Variants in CLTCL1 observed in about 807,000 individuals in gnomAD.
CLTCL1 encodes the protein clathrin heavy chain 2.
CLTCL1 carries 159 observed loss-of-function variants against 190.0 expected under a neutral mutation model. That is an observed-to-expected ratio of 0.84 (90% confidence interval 0.74 to 0.95). CLTCL1 has a LOEUF of 0.95. Among genes scored for constraint, CLTCL1 ranks in the 40% least tolerant of loss-of-function variants. CLTCL1 has a pLI of 0.00. For missense variants in CLTCL1, 1,878 were observed against 2,033.4 expected, an observed-to-expected ratio of 0.92 and a Z score of 1.47; for synonymous variants, 752 against 769.6, an observed-to-expected ratio of 0.98 and a Z score of 0.38.
At chr22:19,253,859 C>T in intron 3 of CLTCL1, 100 bp downstream of exon 3, 1 of 1,409,684 alleles carries the variant, frequency 7.1e-7, no homozygotes, top group South Asian at 1.4e-5. Flanking sequence ...AGCCACCGCA[C>T]CTGGCCCTAT....
At chr22:19,245,358 T>G (rs1313923049) in intron 3 of CLTCL1, among the ~76,000 whole-genome samples, 1 of 151,956 alleles carries the variant, frequency 6.6e-6, no homozygotes, top group Non-Finnish European at 1.5e-5. Flanking sequence ...CATGCCTGGC[T>G]AATTTTTGTC....
chr22:19,209,565 G>C lies in CLTCL1; in HGVS notation c.3250-451C>G, dbSNP rs140529713. Among the ~76,000 whole-genome samples the C allele has an allele frequency of 3.1e-4, 47 of 152,362 alleles. No homozygotes were observed. The East Asian group carries it at 8.9e-3, about 29-fold the overall frequency. On this transcript the variant is annotated intron_variant, in intron 20 of 32. Coordinates refer to ENST00000427926, the MANE Select transcript of CLTCL1 (RefSeq NM_007098.4). ...GAGGGCCACCCACTGTATAGTAGTG[G>C]AGGTGGTGGCAGTATCAGCTGCCCC...
chr22:19,246,771 T>C (rs534231543), intron 3 of CLTCL1, among the ~76,000 whole-genome samples: 1 of 152,344 alleles, frequency 6.6e-6, no homozygotes, highest in Non-Finnish European at 1.5e-5. Context: ...TGTAAAGTGG[T>C]ACTTCATTGT....
intron 3 of CLTCL1, among the ~76,000 whole-genome samples, chr22:19,250,831 G>C (rs2086571207): frequency 6.6e-6 from 1 of 152,184 alleles, no homozygotes; most frequent in Non-Finnish European, 1.5e-5. Flanking sequence ...TGGGATTACA[G>C]GCATGAGTCA....
Position 19,291,593 on chromosome 22 carries a change from G to A in CLTCL1, c.42+7C>T, listed in dbSNP as rs1014153180. ...ACAGGGCAGCCCCCCAGCCCGCCGGGCCTCACCTGGAAGTGCTCCTGAAAG... is the reference window on the plus strand; with the variant it reads ...ACAGGGCAGCCCCCCAGCCCGCCGGACCTCACCTGGAAGTGCTCCTGAAAG... On this transcript the variant is annotated splice_region_variant and intron_variant, in intron 1 of 32. Transcript: ENST00000427926. 2.2e-6 allele frequency: 3 copies of A among 1,388,630 alleles called. No individual in the cohort carries two copies. The highest frequency in any genetic ancestry group is 1.9e-6 in the Non-Finnish European group (2 of 1,057,546). The allele number at this position is 1,388,630 out of a possible 1,614,324, so 86.0% of individuals were successfully genotyped here.
chr22:19,267,341 T>C (rs1195371965), intron 2 of CLTCL1, among the ~76,000 whole-genome samples: 4 of 152,126 alleles, frequency 2.6e-5, no homozygotes, highest in African/African-American at 4.8e-5. Flanking sequence ...AACAGAGACA[T>C]TAAATGACTA....
At chr22:19,209,292 A>G in intron 20 of CLTCL1, 178 bp from the exon 21 acceptor site, 1 of 525,612 alleles carries the variant, frequency 1.9e-6, no homozygotes, top group Non-Finnish European at 3.3e-6. Flanking sequence ...GACAAGAGCT[A>G]TTATATGAGA....
intron 2 of CLTCL1, among the ~76,000 whole-genome samples, chr22:19,264,100 C>T (rs10222240): frequency 6.6e-6 from 1 of 152,050 alleles, no homozygotes; most frequent in Non-Finnish European, 1.5e-5. Context: ...TTTAAGACAG[C>T]CTGGGCAACA....
At chr22:19,193,786 G>T (rs782262487) in intron 26 of CLTCL1, among the ~76,000 whole-genome samples, 17 of 152,216 alleles carry the variant, frequency 1.1e-4, no homozygotes, top group Admixed American at 5.2e-4. Flanking sequence ...GTTGAGAGGT[G>T]TGAGTTTCTT....
chr22:19,225,754 T>C (rs191849741), intron 12 of CLTCL1, 121 bp from the exon 13 acceptor site: 1 of 957,082 alleles, frequency 1.0e-6, no homozygotes. Flanking sequence ...AATTTCCACA[T>C]AAAGGGGTTG....
Position 19,229,061 on chromosome 22 carries a change from G to C in CLTCL1, c.1782+777C>G, listed in dbSNP as rs1211299766. 3.3e-5 allele frequency among the ~76,000 whole-genome samples: 5 copies of C among 152,274 alleles called. No homozygotes were observed. In the East Asian group the frequency reaches 9.7e-4, roughly 29 times the overall value. ...AAAGGTAAACATAGAATTACTGTAG[G>C]ACATGATCCAGCAAGTCCACTTCTG... On this transcript the variant is annotated intron_variant, in intron 11 of 32. Transcript: ENST00000427926.
chr22:19,219,965 G>A lies in CLTCL1; in HGVS notation c.2839C>T (p.Leu947=), dbSNP rs2145748129. ...NSLFKSEARY[L]VCRKDPELWA... ...AGCTCCGGATCCTTTCTGCATACCAGGTAGCGGGCCTCGCTTTTGAACAGA... is the reference window on the plus strand; with the variant it reads ...AGCTCCGGATCCTTTCTGCATACCAAGTAGCGGGCCTCGCTTTTGAACAGA... Residue 947 remains leucine, a synonymous_variant, in exon 18 of 33, where the codon CTG becomes TTG. Coordinates refer to ENST00000427926, the MANE Select transcript of CLTCL1 (RefSeq NM_007098.4). The A allele has an allele frequency of 6.2e-7, 1 of 1,614,024 alleles. No homozygotes were observed. Among genetic ancestry groups the A allele is most frequent in the Non-Finnish European group, 8.5e-7 (1 of 1,179,898 alleles).
At chr22:19,227,285 T>C (rs1255187944) in intron 11 of CLTCL1, among the ~76,000 whole-genome samples, 1 of 149,806 alleles carries the variant, frequency 6.7e-6, no homozygotes, top group Non-Finnish European at 1.5e-5. Context: ...ATCTTTTTTT[T>C]TTTTTTTTTT....
intron 2 of CLTCL1, among the ~76,000 whole-genome samples, chr22:19,264,121 CTG>C (rs1163866899): frequency 6.6e-6 from 1 of 152,032 alleles, no homozygotes; most frequent in Non-Finnish European, 1.5e-5. Context: ...TGGCAAGACC[CTG>C]TCTCTACAAA....
Position 19,194,339 on chromosome 22 carries a change from G to A in CLTCL1, c.4191+1927C>T, listed in dbSNP as rs112457835. ...TCTATTAAAAATACAAAAATGAGCC[G>A]GGCGTGGTGGCAGGCACCTGTAATC... is the stretch of plus-strand genomic sequence containing the variant. On this transcript the variant is annotated intron_variant, in intron 26 of 32. Coordinates refer to ENST00000427926, the MANE Select transcript of CLTCL1 (RefSeq NM_007098.4). Among the ~76,000 whole-genome samples the A allele has an allele frequency of 6.9e-3, 1,047 of 152,192 alleles. 11 individuals are homozygous for A. The highest frequency in any genetic ancestry group is 0.024 in the African/African-American group (976 of 41,514).
chr22:19,245,186 CTTT>C (rs1194266137), intron 3 of CLTCL1, among the ~76,000 whole-genome samples: 62 of 118,822 alleles, frequency 5.2e-4, no homozygotes, highest in African/African-American at 1.9e-3. Flanking sequence ...TCTCCCCCTC[CTTT>C]TTTTTTTTTT....
chr22:19,281,061 C>T (rs565448631), intron 1 of CLTCL1, among the ~76,000 whole-genome samples: 3 of 151,328 alleles, frequency 2.0e-5, no homozygotes, highest in South Asian at 2.1e-4. Context: ...GAGGCCGAGG[C>T]GGGCAGATCA....
In CLTCL1 at chr22:19,196,373, C is replaced by G. The variant is rs201311337; in HGVS notation, c.4084G>C (p.Val1362Leu). 6.2e-7 allele frequency: 1 copy of G among 1,614,058 alleles called. No homozygotes were observed. The highest frequency in any genetic ancestry group is 1.1e-5 in the South Asian group (1 of 91,090). The change falls in exon 26 of 33, where the codon GTG (valine) becomes CTG (leucine). Residue 1362 changes from valine (V) to leucine (L), a missense_variant. Val to Leu is a conservative substitution (Grantham distance 32). Transcript: ENST00000427926. ...AEQAHLWAEL[V>L]FLYDKYEEYD... Reference sequence around the variant, plus strand: ...TCCTCGTACTTGTCATAGAGGAACACCAGCTCAGCCCACAGGTGTGCCTGC... The same window carrying G: ...TCCTCGTACTTGTCATAGAGGAACAGCAGCTCAGCCCACAGGTGTGCCTGC...
At chr22:19,262,631 C>CAA (rs35467856) in intron 2 of CLTCL1, among the ~76,000 whole-genome samples, 84 of 137,202 alleles carry the variant, frequency 6.1e-4, no homozygotes, top group African/African-American at 2.1e-3. Flanking sequence ...GACTCTGTCT[C>CAA]AAAAAAAAAA....
Sources: allele counts gnomAD v4.1 joint callset (sites outside exome capture counted in the v4.1 genomes callset), GRCh38; gene constraint gnomAD v4.1.1; transcripts MANE v1.5; gene names NCBI Gene and HGNC (gene_info 2026-07-23, HGNC 2026-07-21).